ENTPD3: variants seen among roughly 807,000 people sequenced by gnomAD.
ENTPD3 encodes ectonucleoside triphosphate diphosphohydrolase 3.
Under a neutral mutation model 51.2 loss-of-function variants are expected in ENTPD3, and 60 were observed. The observed-to-expected ratio is 1.17, with a 90% CI of 0.95 to 1.45. ENTPD3 has a LOEUF of 1.45. Ranked by LOEUF, ENTPD3 falls within the 40% of genes most tolerant of loss-of-function variation. ENTPD3 has a pLI of 0.00. For synonymous variants in ENTPD3, 221 were observed against 238.4 expected (o/e 0.93, Z 0.67); for missense variants, 593 against 641.1 (o/e 0.93, Z 0.81).
At chr3:40,395,273 A>G (rs1343685498) in intron 3 of ENTPD3, among the ~76,000 whole-genome samples, 1 of 152,258 alleles carries the variant, frequency 6.6e-6, no homozygotes, top group Non-Finnish European at 1.5e-5. Flanking sequence ...GTAACAGGCA[A>G]GTCCTCTGTT....
chr3:40,427,422 C>G lies in ENTPD3; in HGVS notation c.1504C>G (p.Leu502Val). 1 of 1,613,694 alleles carries G rather than the reference C, an allele frequency of 6.2e-7. No homozygotes were observed. The highest frequency in any genetic ancestry group is 8.5e-7 in the Non-Finnish European group (1 of 1,180,030). Reference protein sequence around the residue: ...AFFTAAALLCLAFLAYLCSAT... With the variant: ...AFFTAAALLCVAFLAYLCSAT... ...CTTCACAGCGGCAGCCTTGCTGTGT[C>G]TGGCATTTCTTGCATACCTGTGTTC... is the stretch of plus-strand genomic sequence containing the variant. The change falls in exon 11 of 11, where the codon CTG (leucine) becomes GTG (valine). Residue 502 changes from leucine (L) to valine (V), a missense_variant. Leu to Val is a conservative substitution (Grantham distance 32, BLOSUM62 1). Transcript: ENST00000301825.
At position 40,387,616 on chromosome 3, in the gene ENTPD3, C is replaced by A. The variant is rs373889579; in HGVS notation, c.-13+355C>A. Among the ~76,000 whole-genome samples, 41 of 152,232 alleles carry A rather than the reference C, an allele frequency of 2.7e-4. No homozygotes were observed. The East Asian group carries it at 6.8e-3, about 25-fold the overall frequency. ...ATTTCCAGCCAGCAGCTAAAGACTC[C>A]CTTCCCGGGGCTTTAGAGAGGCTCC... On this transcript the variant is annotated intron_variant, in intron 1 of 10. Coordinates refer to ENST00000301825, the MANE Select transcript of ENTPD3 (RefSeq NM_001248.4).
intron 4 of ENTPD3, among the ~76,000 whole-genome samples, chr3:40,402,437 G>C (rs899421221): frequency 6.6e-6 from 1 of 151,504 alleles, no homozygotes; most frequent in Non-Finnish European, 1.5e-5. Flanking sequence ...CCTTGTTGAT[G>C]GGCATTTGTA....
At chr3:40,410,625 A>G (rs1955606974) in intron 4 of ENTPD3, among the ~76,000 whole-genome samples, 1 of 152,164 alleles carries the variant, frequency 6.6e-6, no homozygotes, top group South Asian at 2.1e-4. Flanking sequence ...GATCTGATCA[A>G]GCCTCTACAT....
intron 4 of ENTPD3, among the ~76,000 whole-genome samples, chr3:40,405,842 C>A (rs566131366): frequency 3.6e-4 from 55 of 152,260 alleles, no homozygotes; most frequent in African/African-American, 1.2e-3. Context: ...TTTGTTTATC[C>A]CAGATTGGAC....
intron 2 of ENTPD3, among the ~76,000 whole-genome samples, chr3:40,389,801 C>T (rs1336201085): frequency 6.6e-6 from 1 of 152,170 alleles, no homozygotes; most frequent in Non-Finnish European, 1.5e-5. Context: ...CTAATTATAT[C>T]GTGGGCGCAT....
chr3:40,427,580 A>T lies in ENTPD3; in HGVS notation c.*72A>T, dbSNP rs913064387. 26 of 1,142,416 alleles carry T rather than the reference A, an allele frequency of 2.3e-5. No individual in the cohort carries two copies. Among genetic ancestry groups the T allele is most frequent in the African/African-American group, 6.1e-5 (4 of 65,480 alleles). The allele number at this position is 1,142,416 out of a possible 1,614,324, so 70.8% of individuals were successfully genotyped here. A position where few individuals can be genotyped will look rare whatever the true frequency, so the allele number is the denominator to read the frequency against. On this transcript the variant is annotated 3_prime_UTR_variant, in exon 11 of 11. Transcript: ENST00000301825. ...TGGGTGGCACCAGGCAATGCAGGTG[A>T]AGTGGCTGCCTTCAGGAAATACAAC...
intron 4 of ENTPD3, among the ~76,000 whole-genome samples, chr3:40,402,117 T>TTTTTC: frequency 1.7e-5 from 1 of 58,612 alleles, no homozygotes; most frequent in East Asian, 3.8e-4. Flanking sequence ...TTTCCTTTTT[T>TTTTTC]TTTTTCTTTT....
intron 4 of ENTPD3, among the ~76,000 whole-genome samples, chr3:40,402,347 G>A (rs1193165362): frequency 6.6e-6 from 1 of 151,886 alleles, no homozygotes. Flanking sequence ...TCGAACTCCT[G>A]ACCTCAAGTG....
rs777001655 is a variant in ENTPD3 at position 40,411,839 on chromosome 3, A to AC, written c.319dup (p.Gln107ProfsTer8). ...TCTGGAATCTCCAGCTATGGAAATA[A>AC]CCCCCAAGATGTCCCCAGAGCCTTT... On this transcript the variant is annotated frameshift_variant, in exon 5 of 11. Transcript: ENST00000301825. LOFTEE classifies it high-confidence loss of function. 1.4e-5 allele frequency: 22 copies of AC among 1,590,180 alleles called. No homozygotes were observed. In the South Asian group the frequency reaches 2.6e-4, roughly 19 times the overall value.
chr3:40,396,210 G>A (rs1047756582), intron 3 of ENTPD3, among the ~76,000 whole-genome samples: 1 of 152,196 alleles, frequency 6.6e-6, no homozygotes. Flanking sequence ...AAAGACAGAT[G>A]TTCTGGGCCA....
intron 3 of ENTPD3, among the ~76,000 whole-genome samples, chr3:40,397,119 C>CTTTGTTTTTTTTTTTTT (rs1955222023): frequency 9.9e-6 from 1 of 101,244 alleles, no homozygotes. Flanking sequence ...TAATTAGTTT[C>CTTTGTTTTTTTTTTTTT]TTTTTTTTTT....
At chr3:40,402,123 C>CTTTTTTTTTTTTTTTTTT (rs58000344) in intron 4 of ENTPD3, among the ~76,000 whole-genome samples, 5 of 95,024 alleles carry the variant, frequency 5.3e-5, no homozygotes, top group Non-Finnish European at 7.7e-5. Flanking sequence ...TTTTTTTTTT[C>CTTTTTTTTTTTTTTTTTT]TTTTTTTTTT....
chr3:40,391,864 A>T, intron 2 of ENTPD3, 159 bp from the exon 3 acceptor site: 4 of 773,556 alleles, frequency 5.2e-6, no homozygotes, highest in Non-Finnish European at 8.6e-6. Context: ...GGAGAAGGGG[A>T]GCTTATTTGC....
chr3:40,423,869 C>T lies in ENTPD3; in HGVS notation c.1259C>T (p.Ser420Phe). ...AAATTTGATGAGGTATATGCCCGCT[C>T]TTACTGCTTCTCAGCCAACTACATC... ...LPKFDEVYAR[S>F]YCFSANYIYH... The change falls in exon 10 of 11, where the codon TCT becomes TTT. Residue 420 changes from serine (S) to phenylalanine (F), a missense_variant. Physicochemically the swap from Ser to Phe is radical, Grantham distance 155 (BLOSUM62 -2). Transcript: ENST00000301825. 6.2e-7 allele frequency: 1 copy of T among 1,614,158 alleles called. No homozygotes were observed. Among genetic ancestry groups the T allele is most frequent in the Non-Finnish European group, 8.5e-7 (1 of 1,180,016 alleles).
At chr3:40,394,235 C>T (rs543825545) in intron 3 of ENTPD3, 17 of 220,956 alleles carry the variant, frequency 7.7e-5, no homozygotes, top group African/African-American at 3.3e-4. Flanking sequence ...CTGCCTCAGC[C>T]TCCCAAGTAG....
At chr3:40,426,290 T>C (rs572034797) in intron 10 of ENTPD3, among the ~76,000 whole-genome samples, 33 of 152,002 alleles carry the variant, frequency 2.2e-4, no homozygotes, top group African/African-American at 7.2e-4. Flanking sequence ...TGTATTTTTG[T>C]AGAGACAGGG....
Position 40,422,943 on chromosome 3 carries a change from A to G in ENTPD3, c.925A>G (p.Thr309Ala). 18 of 1,614,110 alleles carry G rather than the reference A, an allele frequency of 1.1e-5. No individual in the cohort carries two copies. Among genetic ancestry groups the G allele is most frequent in the Non-Finnish European group, 1.5e-5 (18 of 1,179,980 alleles). Residue 309 changes from threonine (T) to alanine (A), a missense_variant, in exon 8 of 11, where the codon ACT (threonine) becomes GCT (alanine). Physicochemically the swap from Thr to Ala is moderately conservative, Grantham distance 58 (BLOSUM62 0). Transcript: ENST00000301825. ...TMGHVFDSLCTVDQRPESYNP... is the reference protein window; with the variant it reads ...TMGHVFDSLCAVDQRPESYNP... ...GGGCCATGTATTTGATAGCCTGTGC[A>G]CTGTGGACCAGAGGCCAGAAAGTTA...
chr3:40,412,376 T>C (rs1955655264), intron 5 of ENTPD3, among the ~76,000 whole-genome samples: 1 of 152,228 alleles, frequency 6.6e-6, no homozygotes, highest in African/African-American at 2.4e-5. Context: ...TGAAATCTGC[T>C]TTAAAACAAT....
Sources: allele counts gnomAD v4.1 joint callset (sites outside exome capture counted in the v4.1 genomes callset), GRCh38; gene constraint gnomAD v4.1.1; transcripts MANE v1.5; gene names NCBI Gene and HGNC (gene_info 2026-07-23, HGNC 2026-07-21).